The following DNAH3 variants were observed in gnomAD, a reference collection of about 807,000 sequenced individuals.
DNAH3 encodes the protein axonemal beta dynein heavy chain 3.
In DNAH3, 332 loss-of-function variants were observed where a neutral mutation model predicts 432.5. That is an observed-to-expected ratio of 0.77 (90% CI 0.70 to 0.84). DNAH3 has a LOEUF of 0.84. Ranked by LOEUF, DNAH3 falls within the 40% of genes least tolerant of loss-of-function variation. The probability of loss-of-function intolerance (pLI) is 0.00; values close to 1 mark genes in which losing one functional copy is unlikely to be tolerated. For missense variants in DNAH3, 4,861 were observed against 5,114.0 expected (o/e 0.95, Z 1.51); for synonymous variants, 1,956 against 1,900.2 (o/e 1.03, Z -0.76).
At chr16:21,144,342 C>G (rs1277831397) in intron 3 of DNAH3, among the ~76,000 whole-genome samples, 1 of 152,146 alleles carries the variant, frequency 6.6e-6, no homozygotes, top group Non-Finnish European at 1.5e-5. Context: ...CTTTCTCTCC[C>G]CCTCCCTCGC....
exon 12 of DNAH3, chr16:21,117,218 T>G (rs751492200): frequency 3.7e-6 from 6 of 1,602,084 alleles, no homozygotes; most frequent in African/African-American, 1.3e-5. Context: ...GGGGCCAACT[T>G]GATTTTTCTG....
intron 41 of DNAH3, among the ~76,000 whole-genome samples, chr16:21,005,006 T>C (rs763191129): frequency 1.5e-3 from 234 of 152,326 alleles, no homozygotes; most frequent in Non-Finnish European, 2.4e-3. Context: ...CTTAGTCTTA[T>C]GTTTATATTT....
At chr16:21,003,286 T>C (rs948801443) in intron 41 of DNAH3, 79 bp from the exon 42 acceptor site, 15 of 889,996 alleles carry the variant, frequency 1.7e-5, no homozygotes, top group African/African-American at 1.2e-4. Flanking sequence ...TTTAAGTCCC[T>C]CAGTTATCAG....
At chr16:20,955,449 T>C (rs2084518338) in intron 54 of DNAH3, among the ~76,000 whole-genome samples, 1 of 150,440 alleles carries the variant, frequency 6.6e-6, no homozygotes, top group Non-Finnish European at 1.5e-5. Context: ...ACTCTCTGAC[T>C]CCAAAGCTCC....
chr16:20,944,802 C>T (rs1247695285), intron 57 of DNAH3, 139 bp from the exon 58 acceptor site: 20 of 812,728 alleles, frequency 2.5e-5, no homozygotes, highest in East Asian at 2.2e-4. Context: ...CACACACACA[C>T]GCTGGGAGAA....
intron 44 of DNAH3, among the ~76,000 whole-genome samples, chr16:20,993,378 A>G (rs908323374): frequency 6.6e-6 from 1 of 152,202 alleles, no homozygotes; most frequent in African/African-American, 2.4e-5. Flanking sequence ...TACTAGTTAT[A>G]TCAGTCTCTC....
intron 35 of DNAH3, among the ~76,000 whole-genome samples, chr16:21,034,696 G>C (rs548706875): frequency 8.9e-4 from 135 of 152,286 alleles, no homozygotes; most frequent in African/African-American, 3.0e-3. Flanking sequence ...AAGCAGCTTT[G>C]TATTTTAAAG....
At chr16:21,157,889 G>A (rs1318809586) in intron 1 of DNAH3, among the ~76,000 whole-genome samples, 1 of 142,738 alleles carries the variant, frequency 7.0e-6, no homozygotes, top group Non-Finnish European at 1.5e-5. Flanking sequence ...GGGACATTTG[G>A]CAATATTTTG....
At position 21,049,705 on chromosome 16, in the gene DNAH3, T is replaced by C. The variant is rs200210325; in HGVS notation, c.4348-23A>G. On this transcript the variant is annotated intron_variant, in intron 30 of 61. Coordinates refer to ENST00000261383, the Ensembl canonical transcript of DNAH3. ...ACACTAGAAAGAGGGAGGATGTGGG[T>C]ATCATTCAGGGTGGATTCCATCCCA... 60 of 1,596,344 alleles carry C rather than the reference T, an allele frequency of 3.8e-5. 1 individual carries two copies. In the East Asian group the frequency reaches 5.6e-4, roughly 15 times the overall value.
chr16:20,938,927 A>C (rs942058314), intron 59 of DNAH3, among the ~76,000 whole-genome samples: 1 of 151,982 alleles, frequency 6.6e-6, no homozygotes, highest in South Asian at 2.1e-4. Context: ...CAATGCCCAG[A>C]TAATTTTATG....
At chr16:20,988,681 G>A (rs1300668602) in intron 44 of DNAH3, among the ~76,000 whole-genome samples, 15 of 152,246 alleles carry the variant, frequency 9.9e-5, no homozygotes, top group Admixed American at 9.2e-4. Flanking sequence ...TACTTTTGTT[G>A]AAAGTGAAAA....
rs201728370 is a variant in DNAH3, at chr16:20,934,193, T to G, written c.11998-686A>C. Among the ~76,000 whole-genome samples the G allele has an allele frequency of 5.9e-5, 9 of 152,248 alleles. No homozygotes were observed. In the East Asian group the frequency reaches 1.5e-3, roughly 26 times the overall value. ...TCATTCAAATTATACTTTAAAAAAT[T>G]TTTATGGTGAATGGAATTTTTTCCC... On this transcript the variant is annotated intron_variant, in intron 61 of 61. Coordinates refer to ENST00000261383, the Ensembl canonical transcript of DNAH3.
chr16:21,107,895 C>T (rs1057511079), intron 14 of DNAH3, among the ~76,000 whole-genome samples: 3 of 151,564 alleles, frequency 2.0e-5, no homozygotes, highest in African/African-American at 4.9e-5. Context: ...TGGAGTCTTG[C>T]TCTGTCACCC....
At chr16:20,990,035 C>T (rs911845410) in intron 44 of DNAH3, among the ~76,000 whole-genome samples, 2 of 152,238 alleles carry the variant, frequency 1.3e-5, no homozygotes, top group Admixed American at 6.5e-5. Context: ...TCCACACCTC[C>T]CTGCAAGCTG....
intron 40 of DNAH3, among the ~76,000 whole-genome samples, chr16:21,021,494 A>C (rs145767777): frequency 1.3e-4 from 20 of 152,246 alleles, no homozygotes; most frequent in Admixed American, 3.3e-4. Flanking sequence ...GACAAAGACT[A>C]AACACATGGA....
At chr16:21,120,728 C>T (rs781669018) in intron 11 of DNAH3, 38 of 1,595,764 alleles carry the variant, frequency 2.4e-5, no homozygotes, top group South Asian at 2.0e-4. Context: ...AATGTAGTAC[C>T]GGCCCTGGTA....
chr16:21,014,338 A>G (rs940412992), intron 41 of DNAH3, among the ~76,000 whole-genome samples: 2 of 152,222 alleles, frequency 1.3e-5, no homozygotes, highest in African/African-American at 4.8e-5. Flanking sequence ...TGCATTAACA[A>G]GCTAAAGAAG....
chr16:20,976,156 C>T (rs762489454), intron 50 of DNAH3, among the ~76,000 whole-genome samples: 11 of 151,924 alleles, frequency 7.2e-5, no homozygotes, highest in Non-Finnish European at 1.5e-4. Context: ...GCCTGGGAAA[C>T]ATAGTGAGAA....
chr16:21,023,353 A>G (rs1365675279), intron 39 of DNAH3, among the ~76,000 whole-genome samples: 2 of 152,214 alleles, frequency 1.3e-5, no homozygotes, highest in Admixed American at 1.3e-4. Flanking sequence ...TAACTAATCC[A>G]GCAGGGATAT....
Sources: gnomAD v4.1 joint callset for allele counts (sites outside exome capture counted in the v4.1 genomes callset) on GRCh38, gnomAD v4.1.1 for gene constraint, MANE v1.5 for transcripts, NCBI Gene and HGNC (gene_info 2026-07-23, HGNC 2026-07-21) for gene names.